Variants in TMEM74 observed in about 807,000 individuals in gnomAD.
The protein encoded by TMEM74 is transmembrane protein 74.
In TMEM74, 13 loss-of-function variants were observed where a neutral mutation model predicts 18.1. That is an observed-to-expected ratio of 0.72 (90% confidence interval 0.47 to 1.14). The LOEUF (loss-of-function observed/expected upper bound fraction) is 1.14. Ranked by LOEUF, TMEM74 falls within the 50% of genes most tolerant of loss-of-function variation. TMEM74 has a pLI of 0.00. For missense variants in TMEM74, 372 were observed against 375.9 expected (o/e 0.99, Z 0.09); for synonymous variants, 159 against 146.6 (o/e 1.08, Z -0.61).
At chr8:108,615,404 A>C (rs569456871) in intron 2 of TMEM74, among the ~76,000 whole-genome samples, 1 of 152,148 alleles carries the variant, frequency 6.6e-6, no homozygotes. Flanking sequence ...CAACCTTCCA[A>C]CCACATAAAC....
chr8:108,784,540 T>G lies in TMEM74; in HGVS notation c.559A>C (p.Thr187Pro), dbSNP rs909247342. 3.1e-6 allele frequency: 5 copies of G among 1,614,008 alleles called. No homozygotes were observed. The highest frequency in any genetic ancestry group is 3.3e-5 in the Admixed American group (2 of 59,998). ...GAGATGATCACGAGCAGGATCCCAG[T>G]GACCAAGAACAAGATGGCGCTGATG... ...GFISAILFLV[T>P]GILLVIISYI... The change falls in exon 2 of 2, where the codon ACT (threonine) becomes CCT (proline). Residue 187 changes from threonine to proline, a missense_variant. Thr to Pro is a conservative substitution (Grantham distance 38). Coordinates refer to ENST00000297459, the MANE Select transcript of TMEM74 (RefSeq NM_153015.3).
At chr8:108,648,944 A>C (rs971726710) in intron 2 of TMEM74, among the ~76,000 whole-genome samples, 1 of 152,194 alleles carries the variant, frequency 6.6e-6, no homozygotes, top group Admixed American at 6.5e-5. Context: ...CAAGTTCAAA[A>C]TAAAAAATAA....
intron 1 of TMEM74, among the ~76,000 whole-genome samples, chr8:108,734,655 T>C (rs1813727641): frequency 6.6e-6 from 1 of 152,168 alleles, no homozygotes; most frequent in Non-Finnish European, 1.5e-5. Context: ...TGTAACTTTT[T>C]CTTGTTATTC....
At chr8:108,772,021 A>G (rs1201117557) in intron 1 of TMEM74, among the ~76,000 whole-genome samples, 1 of 152,178 alleles carries the variant, frequency 6.6e-6, no homozygotes, top group Non-Finnish European at 1.5e-5. Flanking sequence ...ACCATATTTT[A>G]ACATAGTTTA....
chr8:108,706,868 A>G (rs900502521), intron 1 of TMEM74, among the ~76,000 whole-genome samples: 12 of 151,834 alleles, frequency 7.9e-5, no homozygotes, highest in African/African-American at 2.9e-4. Flanking sequence ...CCAAGACACT[A>G]AGATAAAAGT....
At chr8:108,727,128 G>A (rs1459376515) in intron 1 of TMEM74, among the ~76,000 whole-genome samples, 1 of 152,180 alleles carries the variant, frequency 6.6e-6, no homozygotes, top group Non-Finnish European at 1.5e-5. Context: ...TCCAAGATAG[G>A]AGAGGAGAGA....
chr8:108,740,876 ATG>A (rs1280732800), intron 1 of TMEM74, among the ~76,000 whole-genome samples: 2 of 152,326 alleles, frequency 1.3e-5, no homozygotes, highest in Admixed American at 6.5e-5. Flanking sequence ...ACCTAAAACT[ATG>A]TGCAAAATAG....
intron 1 of TMEM74, among the ~76,000 whole-genome samples, chr8:108,718,247 C>G (rs753274208): frequency 5.6e-5 from 4 of 71,034 alleles, no homozygotes; most frequent in Non-Finnish European, 9.0e-5. Context: ...CGTGAGCCAC[C>G]GCGCCCGGCC....
chr8:108,777,512 G>A (rs1210183645), downstream of TMEM74, among the ~76,000 whole-genome samples: 1 of 152,148 alleles, frequency 6.6e-6, no homozygotes, highest in Non-Finnish European at 1.5e-5. Flanking sequence ...TTACCTAAAA[G>A]CAAAATAGTG....
At chr8:108,708,530 TA>T (rs1430511851) in intron 1 of TMEM74, among the ~76,000 whole-genome samples, 1 of 152,126 alleles carries the variant, frequency 6.6e-6, no homozygotes, top group Non-Finnish European at 1.5e-5. Flanking sequence ...CAGAATCTGT[TA>T]TTTTTTTGAC....
chr8:108,749,944 C>T (rs1391711311), intron 1 of TMEM74, among the ~76,000 whole-genome samples: 1 of 152,106 alleles, frequency 6.6e-6, no homozygotes, highest in Admixed American at 6.6e-5. Flanking sequence ...CAAAGTCTCC[C>T]TGCTTCTCCT....
chr8:108,659,292 A>G (rs1227478330), intron 1 of TMEM74, among the ~76,000 whole-genome samples: 1 of 34,568 alleles, frequency 2.9e-5, no homozygotes. Context: ...TGCACTGGAC[A>G]CTTGGGTCCT....
intron 1 of TMEM74, among the ~76,000 whole-genome samples, chr8:108,708,053 C>T (rs562565627): frequency 3.0e-4 from 46 of 152,212 alleles, no homozygotes; most frequent in African/African-American, 1.1e-3. Context: ...AAAGTAGGTA[C>T]TGTGTCTGTT....
At chr8:108,689,738 G>C (rs942174093) in intron 1 of TMEM74, among the ~76,000 whole-genome samples, 1 of 152,148 alleles carries the variant, frequency 6.6e-6, no homozygotes, top group Admixed American at 6.5e-5. Context: ...GCTGATGATG[G>C]CTTTGGGAGG....
chr8:108,674,993 G>A (rs1813042198), intron 1 of TMEM74, among the ~76,000 whole-genome samples: 1 of 152,168 alleles, frequency 6.6e-6, no homozygotes, highest in Non-Finnish European at 1.5e-5. Context: ...GTGAAAAGTG[G>A]CAGATCAGAA....
At chr8:108,671,172 T>C (rs1011469696) in intron 1 of TMEM74, among the ~76,000 whole-genome samples, 1 of 152,192 alleles carries the variant, frequency 6.6e-6, no homozygotes, top group African/African-American at 2.4e-5. Context: ...TGGCCAGTGC[T>C]CACTCTTGGA....
intron 1 of TMEM74, among the ~76,000 whole-genome samples, chr8:108,773,838 C>T (rs72675055): frequency 8.5e-5 from 13 of 152,288 alleles, no homozygotes; most frequent in Non-Finnish European, 1.8e-4. Context: ...TGCCCGTAAC[C>T]CTAGCCAACA....
intron 2 of TMEM74, chr8:108,652,390 G>T: frequency 4.1e-6 from 1 of 243,406 alleles, no homozygotes; most frequent in East Asian, 1.1e-4. Context: ...CTGGGAATTA[G>T]AAGGGAGTGC....
At chr8:108,645,338 C>A (rs1356094374) in intron 2 of TMEM74, among the ~76,000 whole-genome samples, 13 of 152,062 alleles carry the variant, frequency 8.5e-5, no homozygotes, top group Admixed American at 7.2e-4. Flanking sequence ...AAAATTGACA[C>A]TGGAAACTCC....
Sources: allele counts gnomAD v4.1 joint callset (sites outside exome capture counted in the v4.1 genomes callset), GRCh38; gene constraint gnomAD v4.1.1; transcripts MANE v1.5; gene names NCBI Gene and HGNC (gene_info 2026-07-23, HGNC 2026-07-21).